ABCC4: variants seen among roughly 807,000 people sequenced by gnomAD.
ABCC4 encodes ATP-binding cassette sub-family C member 4.
Under a neutral mutation model 168.5 loss-of-function variants are expected in ABCC4, and 102 were observed. That is an observed-to-expected ratio of 0.61 (90% CI 0.52 to 0.71). The LOEUF (loss-of-function observed/expected upper bound fraction) is 0.71, where lower values mean the gene tolerates loss of function less well. Among genes scored for constraint, ABCC4 ranks in the 30% least tolerant of loss-of-function variants. ABCC4 has a pLI of 0.00. For synonymous variants in ABCC4, 617 were observed against 590.7 expected (o/e 1.04, Z -0.65); for missense variants, 1,402 against 1,605.8 (o/e 0.87, Z 2.17).
chr13:95,239,284 G>A (rs1467090973), intron 3 of ABCC4, among the ~76,000 whole-genome samples: 4 of 152,026 alleles, frequency 2.6e-5, no homozygotes, highest in African/African-American at 9.7e-5. Context: ...AGGCTAGGGA[G>A]AAAAAAGAAC....
At chr13:95,193,198 G>A (rs533251790) in intron 9 of ABCC4, among the ~76,000 whole-genome samples, 157 of 152,352 alleles carry the variant, frequency 1.0e-3, no homozygotes, top group African/African-American at 3.6e-3. Flanking sequence ...GAGGACGGAG[G>A]CAGTGGGGCT....
chr13:95,113,881 A>G (rs550400316), intron 20 of ABCC4, among the ~76,000 whole-genome samples: 1 of 152,340 alleles, frequency 6.6e-6, no homozygotes, highest in East Asian at 1.9e-4. Context: ...AAGAATCAAC[A>G]ACAATGGCAG....
intron 1 of ABCC4, among the ~76,000 whole-genome samples, chr13:95,248,506 T>TA (rs11428063): frequency 0.28 from 41,600 of 150,782 alleles, 6,220 homozygotes; most frequent in Non-Finnish European, 0.33. Flanking sequence ...TTCTTTTTAC[T>TA]AAAAAAAAAG....
At chr13:95,060,661 C>G (rs903719044) in intron 26 of ABCC4, among the ~76,000 whole-genome samples, 1 of 152,176 alleles carries the variant, frequency 6.6e-6, no homozygotes, top group Admixed American at 6.5e-5. Flanking sequence ...GGGAATCTAA[C>G]GTGCTAAACA....
intron 10 of ABCC4, among the ~76,000 whole-genome samples, chr13:95,187,688 T>C (rs73561708): frequency 0.069 from 10,447 of 152,288 alleles, 1,150 homozygotes; most frequent in African/African-American, 0.23. Context: ...GAAGGACTTT[T>C]ATTTTTAAAT....
intron 1 of ABCC4, among the ~76,000 whole-genome samples, chr13:95,300,867 G>A (rs2041657271): frequency 6.6e-6 from 1 of 152,216 alleles, no homozygotes; most frequent in Non-Finnish European, 1.5e-5. Flanking sequence ...GGGTGGGCGT[G>A]TAAGGGGTGC....
chr13:95,191,170 CA>C (rs1229446859), intron 9 of ABCC4, among the ~76,000 whole-genome samples: 1 of 152,146 alleles, frequency 6.6e-6, no homozygotes, highest in African/African-American at 2.4e-5. Flanking sequence ...GCCCAAAAGA[CA>C]GAAAGCACGG....
intron 4 of ABCC4, among the ~76,000 whole-genome samples, chr13:95,225,721 C>T (rs1164563968): frequency 6.6e-6 from 1 of 151,662 alleles, no homozygotes; most frequent in Non-Finnish European, 1.5e-5. Flanking sequence ...AGCACAAATG[C>T]TACTTTGAAT....
chr13:95,250,691 T>A (rs2040230500), intron 1 of ABCC4, among the ~76,000 whole-genome samples: 1 of 151,530 alleles, frequency 6.6e-6, no homozygotes, highest in Admixed American at 6.6e-5. Context: ...TTATTGTTGG[T>A]GGTGGTGGCA....
intron 13 of ABCC4, 24 bp downstream of exon 13, chr13:95,177,683 G>A (rs1320392178): frequency 6.3e-7 from 1 of 1,588,284 alleles, no homozygotes; most frequent in East Asian, 2.3e-5. Context: ...AAGCAGAAAT[G>A]ACTTAAGACA....
At chr13:95,291,426 A>G (rs986187050) in intron 1 of ABCC4, among the ~76,000 whole-genome samples, 10 of 151,746 alleles carry the variant, frequency 6.6e-5, no homozygotes, top group Non-Finnish European at 1.3e-4. Context: ...CATAAAGCAG[A>G]CCTCCATATG....
chr13:95,117,237 A>G (rs2139415548), intron 19 of ABCC4, among the ~76,000 whole-genome samples: 1 of 148,706 alleles, frequency 6.7e-6, no homozygotes. Flanking sequence ...CCTAGGGATT[A>G]AACGGGCTCA....
At chr13:95,287,178 G>C (rs2041279092) in intron 1 of ABCC4, among the ~76,000 whole-genome samples, 1 of 151,620 alleles carries the variant, frequency 6.6e-6, no homozygotes, top group African/African-American at 2.4e-5. Context: ...CATGCCTATA[G>C]TTTCAGCTAC....
At chr13:95,044,179 T>A in intron 28 of ABCC4, 87 bp downstream of exon 28, 1 of 1,296,640 alleles carries the variant, frequency 7.7e-7, no homozygotes, top group Non-Finnish European at 1.0e-6. Context: ...AACAGAGCAC[T>A]TAGAAATATT....
At chr13:95,261,721 G>A (rs2040535879) in intron 1 of ABCC4, among the ~76,000 whole-genome samples, 1 of 152,142 alleles carries the variant, frequency 6.6e-6, no homozygotes, top group African/African-American at 2.4e-5. Context: ...TAGCACATTA[G>A]AGGTGCAAGA....
intron 1 of ABCC4, among the ~76,000 whole-genome samples, chr13:95,271,532 C>T (rs1395407952): frequency 6.6e-6 from 1 of 152,142 alleles, no homozygotes; most frequent in Non-Finnish European, 1.5e-5. Flanking sequence ...TCTATAAAAC[C>T]ACAGCAAGTA....
Position 95,176,269 on chromosome 13 carries a change from CGAGACCAGCCTGGGCAACATAGG to C in ABCC4, c.1727+1415_1727+1437del, listed in dbSNP as rs1295285668. On this transcript the variant is annotated intron_variant, in intron 13 of 30. Transcript: ENST00000645237. The stretch of plus-strand genomic sequence containing the variant: ...GGTGGATCCCTTGAGCCCAGGAGTT[CGAGACCAGCCTGGGCAACATAGG>C]GAGACCAGCCTAGACAACATGGCAA... Among the ~76,000 whole-genome samples, 17 of 114,192 alleles carry C rather than the reference CGAGACCAGCCTGGGCAACATAGG, an allele frequency of 1.5e-4. No individual in the cohort carries two copies. The South Asian group carries it at 2.5e-3, about 17-fold the overall frequency. The allele number at this position is 114,192 out of a possible 152,430, so 74.9% of individuals were successfully genotyped here.
In ABCC4 at chr13:95,034,749, A is replaced by G. The variant is rs768286310; in HGVS notation, c.3736-10T>C. On this transcript the variant is annotated splice_polypyrimidine_tract_variant and intron_variant, in intron 29 of 30. Transcript: ENST00000645237. Reference sequence around the variant, plus strand: ...TTCCTGAATCTAAAACCTGTTAATCAGCAGAAAGAAACCCATTGAAACACA... The same window carrying G: ...TTCCTGAATCTAAAACCTGTTAATCGGCAGAAAGAAACCCATTGAAACACA... 6.2e-7 allele frequency: 1 copy of G among 1,613,856 alleles called. No individual in the cohort carries two copies. The highest frequency in any genetic ancestry group is 1.3e-5 in the African/African-American group (1 of 75,006).
intron 30 of ABCC4, among the ~76,000 whole-genome samples, chr13:95,025,068 A>G (rs538142030): frequency 5.3e-5 from 8 of 151,860 alleles, no homozygotes; most frequent in East Asian, 1.9e-4. Flanking sequence ...TGACTGACCT[A>G]TGTACATTGG....
Sources: gnomAD v4.1 joint callset for allele counts (sites outside exome capture counted in the v4.1 genomes callset) on GRCh38, gnomAD v4.1.1 for gene constraint, MANE v1.5 for transcripts, NCBI Gene and HGNC (gene_info 2026-07-23, HGNC 2026-07-21) for gene names.